GRAMD4: variants seen among roughly 807,000 people sequenced by gnomAD.
GRAMD4 encodes GRAM domain containing 4.
A neutral mutation model predicts 83.9 loss-of-function variants in GRAMD4; 25 were observed. That is an observed-to-expected ratio of 0.30 (90% CI 0.22 to 0.42). The LOEUF is 0.42. GRAMD4 is among the 10% of genes least tolerant of loss of function. GRAMD4 has a pLI of 1.00. For synonymous variants in GRAMD4, 336 were observed against 320.9 expected (o/e 1.05, Z -0.50); for missense variants, 593 against 788.7 (o/e 0.75, Z 2.97).
At chr22:46,651,358 G>A (rs2082163153) in intron 3 of GRAMD4, among the ~76,000 whole-genome samples, 1 of 152,238 alleles carries the variant, frequency 6.6e-6, no homozygotes, top group South Asian at 2.1e-4. Context: ...CAGCTCACTG[G>A]GCTGGAAACA....
chr22:46,582,763 C>T (rs1204406709), intron 1 of GRAMD4, among the ~76,000 whole-genome samples: 1 of 152,174 alleles, frequency 6.6e-6, no homozygotes, highest in Non-Finnish European at 1.5e-5. Flanking sequence ...ATTCACACAT[C>T]ATACAACACA....
At chr22:46,628,984 G>A (rs558962271) in intron 2 of GRAMD4, among the ~76,000 whole-genome samples, 1 of 152,210 alleles carries the variant, frequency 6.6e-6, no homozygotes, top group South Asian at 2.1e-4. Flanking sequence ...GCTTGAGGGG[G>A]CATGTTGAGT....
At chr22:46,627,090 C>G (rs1004150889) in intron 2 of GRAMD4, 129 bp downstream of exon 2, 25 of 671,398 alleles carry the variant, frequency 3.7e-5, no homozygotes, top group Non-Finnish European at 5.7e-5. Flanking sequence ...GGGCCTGACT[C>G]TCTGTCTCAC....
rs764251840 is a variant in GRAMD4 at position 46,626,898 on chromosome 22, C to A, written c.99C>A (p.Ser33Arg). The A allele has an allele frequency of 6.2e-7, 1 of 1,614,126 alleles. No individual in the cohort carries two copies. The highest frequency in any genetic ancestry group is 8.5e-7 in the Non-Finnish European group (1 of 1,179,970). ...ESPNASDTEC[S>R]DEIPLKVPRT... is the part of the protein sequence containing the mutation. ...CAAATGCCTCGGACACCGAATGCAG[C>A]GACGAAATCCCCCTGAAGGTACCGC... The change falls in exon 2 of 19, where the codon AGC (serine) becomes AGA (arginine). Residue 33 changes from serine to arginine, a missense_variant. By Grantham distance (110) the Ser-to-Arg change is moderately radical (BLOSUM62 -1). Coordinates refer to ENST00000406902, the MANE Select transcript of GRAMD4 (RefSeq NM_015124.5).
rs2147438720 is a variant in GRAMD4 at position 46,677,971 on chromosome 22, A to C, written c.*720A>C. On this transcript the variant is annotated 3_prime_UTR_variant, in exon 19 of 19. Coordinates refer to ENST00000406902, the MANE Select transcript of GRAMD4 (RefSeq NM_015124.5). The stretch of plus-strand genomic sequence containing the variant: ...CCAGGGCGCTCAGCACCGCGTCTGT[A>C]AGGGCCTGCCTGCTGCTCTCGGCCT... The C allele has an allele frequency of 4.1e-6, 4 of 985,342 alleles. No individual in the cohort carries two copies. The South Asian group carries it at 1.4e-4, about 35-fold the overall frequency. 61.0% of individuals were successfully genotyped at this position (985,342 alleles called of 1,614,324 possible).
intron 2 of GRAMD4, among the ~76,000 whole-genome samples, chr22:46,633,390 A>G (rs1035169231): frequency 1.1e-4 from 16 of 152,130 alleles, no homozygotes; most frequent in Non-Finnish European, 2.4e-4. Flanking sequence ...CCCCCCACCT[A>G]ATGAAGGTGG....
chr22:46,667,738 C>T (rs779823319), intron 10 of GRAMD4, among the ~76,000 whole-genome samples: 5 of 152,240 alleles, frequency 3.3e-5, no homozygotes, highest in African/African-American at 7.2e-5. Context: ...AGGCTCTTAA[C>T]GAATGGGAGA....
chr22:46,648,863 CATGGATGGATGGATGGATGG>C (rs1353875354), intron 3 of GRAMD4, among the ~76,000 whole-genome samples: 37 of 16,984 alleles, frequency 2.2e-3, no homozygotes, highest in East Asian at 6.2e-3. Flanking sequence ...TGGATGGATG[CATGGATGGATGGATGGATGG>C]ATGGATGGAT....
intron 17 of GRAMD4, among the ~76,000 whole-genome samples, chr22:46,676,043 C>G (rs974075562): frequency 3.9e-5 from 6 of 152,248 alleles, no homozygotes. Flanking sequence ...CAGTGAGGCA[C>G]TGGCAGGCAC....
At chr22:46,596,486 C>T (rs2081263251) in intron 1 of GRAMD4, among the ~76,000 whole-genome samples, 1 of 152,220 alleles carries the variant, frequency 6.6e-6, no homozygotes, top group African/African-American at 2.4e-5. Flanking sequence ...CCTTTCTCTT[C>T]TCAGTTGAAC....
chr22:46,673,263 G>A (rs1427063753), intron 14 of GRAMD4, among the ~76,000 whole-genome samples: 1 of 152,226 alleles, frequency 6.6e-6, no homozygotes, highest in African/African-American at 2.4e-5. Context: ...CACTCCATGG[G>A]GGTGCCCGGC....
downstream of GRAMD4, chr22:46,682,458 CA>C (rs2082675474): frequency 3.0e-6 from 3 of 984,364 alleles, no homozygotes; most frequent in African/African-American, 1.7e-5. Flanking sequence ...CAAAATGAGT[CA>C]GGGGAGGCCG....
chr22:46,596,982 C>T (rs1390051859), intron 1 of GRAMD4, among the ~76,000 whole-genome samples: 2 of 152,198 alleles, frequency 1.3e-5, no homozygotes, highest in South Asian at 2.1e-4. Flanking sequence ...CAGGTGGGAT[C>T]GGGAGCCACC....
rs1322475836 is a variant in GRAMD4, at chr22:46,659,911, AAC to A, written c.405-1468_405-1467del. ...ATTACATTTAATTATGTAGAGTTGC[AAC>A]AGAGACCTGACCTGCCACGCTGGGA... On this transcript the variant is annotated intron_variant, in intron 4 of 18. Transcript: ENST00000406902. This position sits in a 1 kb window ranked among gnomAD's most constrained non-coding sequence, Gnocchi z 4.1. Among the ~76,000 whole-genome samples the A allele has an allele frequency of 3.3e-5, 5 of 152,216 alleles. No individual in the cohort carries two copies. The highest frequency in any genetic ancestry group is 1.2e-4 in the African/African-American group (5 of 41,460).
upstream of GRAMD4, among the ~76,000 whole-genome samples, chr22:46,615,439 C>T (rs1316609013): frequency 1.5e-5 from 2 of 136,910 alleles, no homozygotes; most frequent in East Asian, 2.4e-4. Flanking sequence ...GTAGGTTCCG[C>T]TGTGCGTGTC....
intron 1 of GRAMD4, among the ~76,000 whole-genome samples, chr22:46,589,407 G>A (rs2081184631): frequency 6.6e-6 from 1 of 150,536 alleles, no homozygotes; most frequent in Non-Finnish European, 1.5e-5. Context: ...GTGGGTGTGA[G>A]GGCTGTGCCT....
chr22:46,663,536 C>T (rs772320875), intron 6 of GRAMD4, among the ~76,000 whole-genome samples: 2 of 152,194 alleles, frequency 1.3e-5, no homozygotes, highest in Non-Finnish European at 2.9e-5. Context: ...CCCGAGGGAG[C>T]TAGGTCAGCA....
chr22:46,645,593 A>G (rs762883895), intron 3 of GRAMD4, among the ~76,000 whole-genome samples: 2 of 152,224 alleles, frequency 1.3e-5, no homozygotes, highest in Non-Finnish European at 2.9e-5. Flanking sequence ...GCTTTCTCTC[A>G]GAAAGCAGAG....
Position 46,626,857 on chromosome 22 carries a change from G to A in GRAMD4, c.58G>A (p.Asp20Asn), listed in dbSNP as rs142967893. 2.5e-6 allele frequency: 4 copies of A among 1,613,932 alleles called. No individual in the cohort carries two copies. The highest frequency in any genetic ancestry group is 1.1e-5 in the South Asian group (1 of 91,082). Residue 20 changes from aspartate (D) to asparagine (N), a missense_variant, in exon 2 of 19, where the codon GAT (aspartate) becomes AAT (asparagine). This residue lies in a region of GRAMD4 where 312 missense variants were observed against 350.7 expected (regional missense o/e 0.89). Coordinates refer to ENST00000406902, the MANE Select transcript of GRAMD4 (RefSeq NM_015124.5). Reference sequence around the variant, plus strand: ...AGGTCACAAGAGAGATGACTTCCTCGATCTAGCGGAGTCTCCAAATGCCTC... The same window carrying A: ...AGGTCACAAGAGAGATGACTTCCTCAATCTAGCGGAGTCTCCAAATGCCTC... ...FRGHKRDDFLDLAESPNASDT... is the reference protein window; with the variant it reads ...FRGHKRDDFLNLAESPNASDT...
Sources: gnomAD v4.1 joint callset for allele counts (sites outside exome capture counted in the v4.1 genomes callset) on GRCh38, gnomAD v4.1.1 for gene constraint, gnomAD v4.1.1 regional missense constraint, Gnocchi (gnomAD v3.1) non-coding constraint, MANE v1.5 for transcripts, NCBI Gene and HGNC (gene_info 2026-07-23, HGNC 2026-07-21) for gene names.